The following CDH13 variants were observed in gnomAD, a reference collection of about 807,000 sequenced individuals.
CDH13 encodes cadherin-13.
Under a neutral mutation model 63.8 loss-of-function variants are expected in CDH13, and 24 were observed. The ratio of observed to expected loss-of-function variants is 0.38; its 90% CI spans 0.27 to 0.53. The LOEUF (loss-of-function observed/expected upper bound fraction) is 0.53. CDH13 is among the 20% of genes least tolerant of loss of function. The probability of loss-of-function intolerance (pLI) is 0.85; values close to 1 mark genes in which losing one functional copy is unlikely to be tolerated. For synonymous variants in CDH13, 503 were observed against 355.3 expected (o/e 1.42, Z -4.67); for missense variants, 1,049 against 903.1 (o/e 1.16, Z -2.07).
chr16:83,500,002 C>A (rs903786812), intron 7 of CDH13, among the ~76,000 whole-genome samples: 1 of 152,030 alleles, frequency 6.6e-6, no homozygotes, highest in Non-Finnish European at 1.5e-5. Flanking sequence ...GGGGTTTCAC[C>A]ATGTTGGCCA....
chr16:83,765,168 C>G (rs1914281460), intron 11 of CDH13, among the ~76,000 whole-genome samples: 2 of 152,216 alleles, frequency 1.3e-5, no homozygotes, highest in Non-Finnish European at 2.9e-5. Flanking sequence ...ATTAGCGTTT[C>G]AAGAGCAGGC....
intron 6 of CDH13, among the ~76,000 whole-genome samples, chr16:83,423,917 C>T (rs933348782): frequency 6.6e-6 from 1 of 152,212 alleles, no homozygotes; most frequent in African/African-American, 2.4e-5. Flanking sequence ...TGGGACGTGG[C>T]TGTACACTAT....
chr16:82,970,700 A>G (rs1023922721), intron 2 of CDH13, among the ~76,000 whole-genome samples: 3 of 152,022 alleles, frequency 2.0e-5, no homozygotes, highest in Non-Finnish European at 4.4e-5. Context: ...CTTAAACCTT[A>G]CCTGTTTGAG....
At chr16:82,733,487 A>G (rs2033509540) in intron 1 of CDH13, among the ~76,000 whole-genome samples, 1 of 152,220 alleles carries the variant, frequency 6.6e-6, no homozygotes, top group East Asian at 1.9e-4. Context: ...ACCAAGGGAA[A>G]GAGTTCATGA....
intron 13 of CDH13, among the ~76,000 whole-genome samples, chr16:83,791,587 C>T (rs1046894399): frequency 2.6e-5 from 4 of 152,026 alleles, no homozygotes; most frequent in East Asian, 3.9e-4. Flanking sequence ...CCGAGGTGGG[C>T]GGATCACAAG....
intron 7 of CDH13, among the ~76,000 whole-genome samples, chr16:83,580,073 AGT>A (rs1905414877): frequency 6.6e-6 from 1 of 151,880 alleles, no homozygotes; most frequent in African/African-American, 2.4e-5. Flanking sequence ...TGAGGGGAGG[AGT>A]GGGAGGAAAT....
intron 1 of CDH13, among the ~76,000 whole-genome samples, chr16:82,762,432 A>G (rs1389017022): frequency 1.3e-5 from 2 of 152,238 alleles, no homozygotes; most frequent in Non-Finnish European, 2.9e-5. Context: ...CTGTAGCTAA[A>G]GGGAGCTACC....
At chr16:82,629,495 C>T (rs1018784818) in intron 1 of CDH13, among the ~76,000 whole-genome samples, 1 of 152,136 alleles carries the variant, frequency 6.6e-6, no homozygotes, top group East Asian at 1.9e-4. Flanking sequence ...GTCTTCGAGG[C>T]CTTGAGTCGA....
intron 4 of CDH13, among the ~76,000 whole-genome samples, chr16:83,155,766 A>G (rs542505204): frequency 6.6e-6 from 1 of 152,314 alleles, no homozygotes; most frequent in Non-Finnish European, 1.5e-5. Flanking sequence ...CTGAACTGCA[A>G]ACAGATGATA....
At position 83,553,971 on chromosome 16, in the gene CDH13, G is replaced by A. The variant is rs184731352; in HGVS notation, c.961-48483G>A. On this transcript the variant is annotated intron_variant, in intron 7 of 13. Transcript: ENST00000567109. The stretch of plus-strand genomic sequence containing the variant: ...GTGTCTTTTATAGGTATTTATAAAC[G>A]ATTCTGCAGTGAACATTCTTGTACA... Among the ~76,000 whole-genome samples the A allele has an allele frequency of 5.9e-5, 9 of 152,238 alleles. No homozygotes were observed. In the East Asian group the frequency reaches 1.4e-3, roughly 23 times the overall value.
At chr16:82,658,168 A>G (rs1911517821) in intron 1 of CDH13, among the ~76,000 whole-genome samples, 1 of 152,190 alleles carries the variant, frequency 6.6e-6, no homozygotes, top group African/African-American at 2.4e-5. Flanking sequence ...TGTGCATGTG[A>G]TATCTATTGA....
intron 7 of CDH13, among the ~76,000 whole-genome samples, chr16:83,577,745 C>A (rs968148718): frequency 9.9e-5 from 15 of 152,120 alleles, no homozygotes; most frequent in African/African-American, 3.6e-4. Context: ...TAGATGCATC[C>A]AAAAGCCCTT....
chr16:83,535,864 G>A (rs2075173762), intron 7 of CDH13, among the ~76,000 whole-genome samples: 1 of 148,850 alleles, frequency 6.7e-6, no homozygotes, highest in African/African-American at 2.5e-5. Context: ...AGGGAAGGAA[G>A]GAAGGAGAGA....
intron 9 of CDH13, among the ~76,000 whole-genome samples, chr16:83,673,115 A>G (rs1400490179): frequency 6.6e-6 from 1 of 152,262 alleles, no homozygotes. Flanking sequence ...GGAGTACATT[A>G]CAAACCTAGT....
intron 10 of CDH13, chr16:83,710,492 G>A (rs1907864706): frequency 6.6e-6 from 1 of 152,038 alleles, no homozygotes; most frequent in Admixed American, 6.6e-5. Flanking sequence ...ATTCCTCTTG[G>A]TGCCTCTTTT....
rs543323768 is a variant in CDH13, at chr16:83,790,641, G to A, written c.2135-4382G>A. ...GATGGTCTCGATCTCCCGACCTCGTGATCCGCCCGCCTCGGCCTCCCAAAG... is the reference window on the plus strand; with the variant it reads ...GATGGTCTCGATCTCCCGACCTCGTAATCCGCCCGCCTCGGCCTCCCAAAG... On this transcript the variant is annotated intron_variant, in intron 13 of 13. Coordinates refer to ENST00000567109, the MANE Select transcript of CDH13 (RefSeq NM_001257.5). 2.0e-3 allele frequency among the ~76,000 whole-genome samples: 305 copies of A among 152,236 alleles called. 2 individuals carry two copies. Among genetic ancestry groups the A allele is most frequent in the African/African-American group, 3.9e-3 (161 of 41,532 alleles).
At chr16:82,996,980 GGTGATGGTGGTGATGATGATGATA>G (rs1912289060) in intron 2 of CDH13, among the ~76,000 whole-genome samples, 1 of 151,684 alleles carries the variant, frequency 6.6e-6, no homozygotes, top group Non-Finnish European at 1.5e-5. Flanking sequence ...TAATGATGAT[GGTGATGGTGGTGATGATGATGATA>G]GTGATGGTGA....
At chr16:83,345,097 C>G (rs1000091736) in intron 6 of CDH13, 91 bp downstream of exon 6, 26 of 1,417,314 alleles carry the variant, frequency 1.8e-5, no homozygotes, top group East Asian at 9.3e-5. Flanking sequence ...TATGGCTGTT[C>G]CAACTTGTCA....
Position 82,792,801 on chromosome 16 carries a change from C to T in CDH13, c.46-65561C>T, listed in dbSNP as rs561402243. 1.1e-4 allele frequency among the ~76,000 whole-genome samples: 16 copies of T among 152,302 alleles called. No homozygotes were observed. In the South Asian group the frequency reaches 3.1e-3, roughly 30 times the overall value. On this transcript the variant is annotated intron_variant, in intron 1 of 13. Transcript: ENST00000567109. The stretch of plus-strand genomic sequence containing the variant: ...TGACTGTTTATTTGGAAATCATCAC[C>T]CAATGCCCAACTGCATCCAGGCTGC...
Sources: gnomAD v4.1 joint callset for allele counts (sites outside exome capture counted in the v4.1 genomes callset) on GRCh38, gnomAD v4.1.1 for gene constraint, MANE v1.5 for transcripts, NCBI Gene and HGNC (gene_info 2026-07-23, HGNC 2026-07-21) for gene names.